CDH12: variants seen among roughly 807,000 people sequenced by gnomAD.
The protein encoded by CDH12 is cadherin-12.
Under a neutral mutation model 74.1 loss-of-function variants are expected in CDH12, and 41 were observed. That is an observed-to-expected ratio of 0.55 (90% confidence interval 0.43 to 0.72). The LOEUF (loss-of-function observed/expected upper bound fraction) is 0.72. Ranked by LOEUF, CDH12 falls within the 30% of genes least tolerant of loss-of-function variation. CDH12 has a pLI of 0.00. For missense variants in CDH12, 945 were observed against 977.2 expected (o/e 0.97, Z 0.44); for synonymous variants, 399 against 355.0 (o/e 1.12, Z -1.39).
intron 3 of CDH12, among the ~76,000 whole-genome samples, chr5:22,259,050 A>G (rs745877702): frequency 2.6e-5 from 4 of 152,170 alleles, no homozygotes; most frequent in Non-Finnish European, 5.9e-5. Context: ...CACAAATGTA[A>G]AATTTTAATG....
intron 3 of CDH12, among the ~76,000 whole-genome samples, chr5:22,308,809 A>AACACACACAC (rs774664506): frequency 8.2e-5 from 7 of 85,306 alleles, no homozygotes; most frequent in Non-Finnish European, 1.5e-4. Context: ...CAAATACACA[A>AACACACACAC]ACACACACAC....
At chr5:21,833,552 T>A (rs1749355622) in intron 8 of CDH12, among the ~76,000 whole-genome samples, 1 of 143,340 alleles carries the variant, frequency 7.0e-6, no homozygotes, top group East Asian at 2.0e-4. Context: ...ATATATTATA[T>A]AATCTATGGC....
intron 3 of CDH12, among the ~76,000 whole-genome samples, chr5:22,264,172 T>C (rs1202471390): frequency 6.6e-6 from 1 of 151,962 alleles, no homozygotes; most frequent in Non-Finnish European, 1.5e-5. Flanking sequence ...GACAAAAATA[T>C]ATGAACTTAC....
intron 1 of CDH12, among the ~76,000 whole-genome samples, chr5:22,742,476 G>A (rs1048038162): frequency 6.6e-6 from 1 of 152,048 alleles, no homozygotes; most frequent in African/African-American, 2.4e-5. Flanking sequence ...TAGAAAGCCT[G>A]TGGAAATACC....
At chr5:22,329,435 G>T (rs1739256085) in intron 3 of CDH12, among the ~76,000 whole-genome samples, 2 of 152,130 alleles carry the variant, frequency 1.3e-5, no homozygotes, top group African/African-American at 4.8e-5. Flanking sequence ...ACTAGAATAT[G>T]GCAGGGTGGG....
chr5:22,396,489 A>T (rs931186637), intron 3 of CDH12, among the ~76,000 whole-genome samples: 4 of 152,152 alleles, frequency 2.6e-5, no homozygotes, highest in African/African-American at 9.7e-5. Context: ...TAATTTTATT[A>T]GAAAAGGTTT....
At chr5:22,362,910 A>C (rs1361460951) in intron 3 of CDH12, among the ~76,000 whole-genome samples, 1 of 126,242 alleles carries the variant, frequency 7.9e-6, no homozygotes, top group Non-Finnish European at 1.6e-5. Context: ...GAAGGGGAAC[A>C]TAACACACTG....
chr5:21,753,307 T>C (rs1744202228), intron 14 of CDH12, among the ~76,000 whole-genome samples: 1 of 152,182 alleles, frequency 6.6e-6, no homozygotes, highest in Admixed American at 6.5e-5. Flanking sequence ...AGAGAGGAGA[T>C]CTAGGTAGAG....
At chr5:22,547,275 G>A (rs192767375) in intron 1 of CDH12, among the ~76,000 whole-genome samples, 1 of 152,276 alleles carries the variant, frequency 6.6e-6, no homozygotes, top group East Asian at 1.9e-4. Flanking sequence ...CAAGAGACTT[G>A]TTACATAATT....
At chr5:22,743,292 GTATATGTA>G (rs1474219248) in intron 1 of CDH12, among the ~76,000 whole-genome samples, 2 of 145,348 alleles carry the variant, frequency 1.4e-5, no homozygotes, top group African/African-American at 5.0e-5. Context: ...GTATATATAT[GTATATGTA>G]TATATATGTA....
chr5:21,950,761 TTATTATTATTA>T (rs1561322759), intron 6 of CDH12, among the ~76,000 whole-genome samples: 6 of 81,290 alleles, frequency 7.4e-5, no homozygotes, highest in African/African-American at 1.1e-4. Flanking sequence ...TTTTATTTTA[TTATTATTATTA>T]TTATTATTAT....
In CDH12 at chr5:22,644,432, T is replaced by C. The variant is rs147118157; in HGVS notation, c.-522-139068A>G. 8.0e-3 allele frequency among the ~76,000 whole-genome samples: 1,211 copies of C among 152,116 alleles called. 12 individuals carry two copies. Among genetic ancestry groups the C allele is most frequent in the African/African-American group, 0.025 (1,056 of 41,518 alleles). ...CTACAACATTCTCTTAAGCCAAAGT[T>C]TAATCCAGAGCAAGGCCCAAACTCT... On this transcript the variant is annotated intron_variant, in intron 1 of 14. Transcript: ENST00000382254.
intron 1 of CDH12, among the ~76,000 whole-genome samples, chr5:22,574,217 T>A (rs1739672706): frequency 6.6e-6 from 1 of 151,504 alleles, no homozygotes; most frequent in Non-Finnish European, 1.5e-5. Context: ...GTAGCTGGGA[T>A]TACAGGTACG....
At chr5:21,986,206 A>G (rs573318050) in intron 5 of CDH12, among the ~76,000 whole-genome samples, 1 of 152,304 alleles carries the variant, frequency 6.6e-6, no homozygotes, top group Admixed American at 6.5e-5. Context: ...CTCACAGAAG[A>G]AAAAAGAATA....
intron 3 of CDH12, among the ~76,000 whole-genome samples, chr5:22,325,142 C>T (rs1202075708): frequency 6.6e-6 from 1 of 152,156 alleles, no homozygotes; most frequent in Non-Finnish European, 1.5e-5. Context: ...TAATAAAGAT[C>T]TGCGAGTATA....
At chr5:21,799,745 G>T (rs777297332) in intron 10 of CDH12, among the ~76,000 whole-genome samples, 1 of 152,176 alleles carries the variant, frequency 6.6e-6, no homozygotes, top group African/African-American at 2.4e-5. Flanking sequence ...GATGTCACCA[G>T]GCTTGTGGAA....
At chr5:21,904,819 G>A (rs1446628519) in intron 6 of CDH12, among the ~76,000 whole-genome samples, 1 of 151,880 alleles carries the variant, frequency 6.6e-6, no homozygotes, top group Non-Finnish European at 1.5e-5. Context: ...AAAGAAAAAG[G>A]AAAAGGAAAA....
chr5:21,771,958 C>T (rs1305507709), intron 11 of CDH12, among the ~76,000 whole-genome samples: 1 of 152,062 alleles, frequency 6.6e-6, no homozygotes, highest in African/African-American at 2.4e-5. Flanking sequence ...TTCGTAAGAT[C>T]TTTGTTTCAA....
chr5:22,430,018 C>T (rs1238245807), intron 2 of CDH12, among the ~76,000 whole-genome samples: 1 of 152,152 alleles, frequency 6.6e-6, no homozygotes, highest in Non-Finnish European at 1.5e-5. Context: ...CTATTGGTTA[C>T]AGATGGTAAC....
Sources: gnomAD v4.1 joint callset for allele counts (sites outside exome capture counted in the v4.1 genomes callset) on GRCh38, gnomAD v4.1.1 for gene constraint, MANE v1.5 for transcripts, NCBI Gene and HGNC (gene_info 2026-07-23, HGNC 2026-07-21) for gene names.